PCDHA12: variants seen among roughly 807,000 people sequenced by gnomAD.
PCDHA12 encodes protocadherin alpha 12, also known as protocadherin alpha-12.
A neutral mutation model predicts 60.0 loss-of-function variants in PCDHA12; 44 were observed. That is an observed-to-expected ratio of 0.73 (90% CI 0.58 to 0.94). The LOEUF (loss-of-function observed/expected upper bound fraction) is 0.94, where lower values mean the gene tolerates loss of function less well. Among genes scored for constraint, PCDHA12 ranks in the 40% least tolerant of loss-of-function variants. PCDHA12 has a pLI of 0.00. For synonymous variants in PCDHA12, 569 were observed against 553.0 expected (o/e 1.03, Z -0.40); for missense variants, 1,276 against 1,239.7 (o/e 1.03, Z -0.44).
chr5:140,923,396 T>C (rs2081343835), intron 1 of PCDHA12, among the ~76,000 whole-genome samples: 1 of 152,058 alleles, frequency 6.6e-6, no homozygotes, highest in Non-Finnish European at 1.5e-5. Context: ...GGCATGGTGG[T>C]GTGTGCCTAT....
intron 3 of PCDHA12, among the ~76,000 whole-genome samples, chr5:140,997,680 G>A (rs954561672): frequency 6.6e-6 from 1 of 151,954 alleles, no homozygotes; most frequent in African/African-American, 2.4e-5. Context: ...GTGTGTGTGT[G>A]TGTGTGTGTG....
intron 1 of PCDHA12, among the ~76,000 whole-genome samples, chr5:140,900,492 G>A (rs2068087412): frequency 6.6e-6 from 1 of 152,174 alleles, no homozygotes; most frequent in African/African-American, 2.4e-5. Flanking sequence ...GGTCAGACTG[G>A]TCTCAAATTC....
intron 1 of PCDHA12, chr5:140,882,874 A>G (rs376046205): frequency 1.9e-6 from 3 of 1,614,108 alleles, no homozygotes; most frequent in Non-Finnish European, 2.5e-6. Context: ...CACTGGACAG[A>G]GAGGAAATTC....
intron 1 of PCDHA12, among the ~76,000 whole-genome samples, chr5:140,906,368 T>C (rs1554192499): frequency 1.3e-5 from 2 of 152,198 alleles, no homozygotes. Flanking sequence ...CCAACCCAAA[T>C]GCTATTACAT....
intron 1 of PCDHA12, among the ~76,000 whole-genome samples, chr5:140,964,683 G>T (rs2095848322): frequency 6.6e-6 from 1 of 151,914 alleles, no homozygotes; most frequent in South Asian, 2.1e-4. Flanking sequence ...CACAATTTGT[G>T]CACTTGAGAG....
At chr5:140,947,221 T>A (rs181563367) in intron 1 of PCDHA12, among the ~76,000 whole-genome samples, 1 of 151,730 alleles carries the variant, frequency 6.6e-6, no homozygotes, top group East Asian at 1.9e-4. Context: ...TCCTGTCATT[T>A]ATGACAGGAA....
chr5:140,969,110 C>T (rs1380719565), intron 1 of PCDHA12: 5 of 1,614,064 alleles, frequency 3.1e-6, no homozygotes, highest in Non-Finnish European at 3.4e-6. Flanking sequence ...CATTGAAGTT[C>T]GAGGGAATGG....
chr5:140,893,432 C>T (rs1280374649), intron 1 of PCDHA12, among the ~76,000 whole-genome samples: 5 of 151,946 alleles, frequency 3.3e-5, no homozygotes, highest in Non-Finnish European at 7.4e-5. Flanking sequence ...GCAGGAAGAT[C>T]GCTTGAAGCC....
chr5:140,881,680 T>G (rs1391876461), intron 1 of PCDHA12, among the ~76,000 whole-genome samples: 1 of 152,268 alleles, frequency 6.6e-6, no homozygotes. Flanking sequence ...GTGATTGTTA[T>G]GTTTCCTTTT....
At chr5:140,969,224 T>A (rs782172299) in intron 1 of PCDHA12, 1 of 1,614,100 alleles carries the variant, frequency 6.2e-7, no homozygotes, top group East Asian at 2.2e-5. Context: ...ACCAGGGCCT[T>A]CGGGAGCCCA....
chr5:141,004,369 C>A (rs1239142670), intron 3 of PCDHA12, among the ~76,000 whole-genome samples: 1 of 152,206 alleles, frequency 6.6e-6, no homozygotes, highest in Non-Finnish European at 1.5e-5. Flanking sequence ...ACACCTTGTT[C>A]TGCTCTGCGG....
Position 140,875,619 on chromosome 5 carries a change from T to G in PCDHA12, c.147T>G (p.Ala49=), listed in dbSNP as rs369772491. The change falls in exon 1 of 4, where the codon GCT becomes GCG. Residue 49 remains alanine, a synonymous_variant. Transcript: ENST00000398631. ...ACGGCACCTTCGTGGGCCGCATCGCTCAGGACCTGGGGCTGGAGCTGGCGG... is the reference window on the plus strand; with the variant it reads ...ACGGCACCTTCGTGGGCCGCATCGCGCAGGACCTGGGGCTGGAGCTGGCGG... ...AKHGTFVGRI[A]QDLGLELAEL... 7.7e-5 allele frequency: 125 copies of G among 1,613,602 alleles called. No individual in the cohort carries two copies. The highest frequency in any genetic ancestry group is 7.5e-4 in the African/African-American group (56 of 74,930).
Position 140,877,016 on chromosome 5 carries a change from G to T in PCDHA12, c.1544G>T (p.Gly515Val), listed in dbSNP as rs781790454. The T allele has an allele frequency of 4.7e-5, 76 of 1,612,480 alleles. No individual in the cohort carries two copies. The highest frequency in any genetic ancestry group is 4.0e-4 in the Middle Eastern group (2 of 5,052). ...SSYVSVHAES[G>V]KVYALQPLDH... The stretch of plus-strand genomic sequence containing the variant: ...TACGTGTCGGTGCACGCGGAGAGCG[G>T]CAAGGTGTACGCGCTGCAGCCGCTA... Residue 515 changes from glycine to valine, a missense_variant, in exon 1 of 4, where the codon GGC becomes GTC. By Grantham distance (109) the Gly-to-Val change is moderately radical. Coordinates refer to ENST00000398631, the MANE Select transcript of PCDHA12 (RefSeq NM_018903.4).
intron 1 of PCDHA12, among the ~76,000 whole-genome samples, chr5:140,905,958 G>C (rs1554192269): frequency 6.6e-6 from 1 of 152,184 alleles, no homozygotes; most frequent in African/African-American, 2.4e-5. Context: ...GATGTTCAAG[G>C]GGAGGAAGAT....
At chr5:140,886,084 G>A (rs1554182347) in intron 1 of PCDHA12, among the ~76,000 whole-genome samples, 1 of 152,140 alleles carries the variant, frequency 6.6e-6, no homozygotes, top group Non-Finnish European at 1.5e-5. Context: ...CCACAACCTG[G>A]ATATTGACAT....
intron 1 of PCDHA12, among the ~76,000 whole-genome samples, chr5:140,893,669 C>T (rs1204530639): frequency 6.6e-6 from 1 of 152,158 alleles, no homozygotes; most frequent in African/African-American, 2.4e-5. Flanking sequence ...AAAATTTCAG[C>T]ACTTTGGATA....
At chr5:140,966,638 T>A in intron 1 of PCDHA12, 2 of 1,090,114 alleles carry the variant, frequency 1.8e-6, no homozygotes, top group South Asian at 2.2e-5. Flanking sequence ...CCAGGCGCTT[T>A]CTAGAGCGTG....
rs1325390456 is a variant in PCDHA12, at chr5:140,928,073, A to G, written c.2367+50234A>G. 8.7e-6 allele frequency: 14 copies of G among 1,614,066 alleles called. No homozygotes were observed. The highest frequency in any genetic ancestry group is 8.0e-5 in the African/African-American group (6 of 74,934). On this transcript the variant is annotated intron_variant, in intron 1 of 3. Coordinates refer to ENST00000398631, the MANE Select transcript of PCDHA12 (RefSeq NM_018903.4). ...CAGCTGACGGCTTCCTTTGACAACTACTACAGCCTGCTGATTGATGGGCCC... is the reference window on the plus strand; with the variant it reads ...CAGCTGACGGCTTCCTTTGACAACTGCTACAGCCTGCTGATTGATGGGCCC...
intron 1 of PCDHA12, among the ~76,000 whole-genome samples, chr5:140,937,575 T>C (rs111558133): frequency 1.8e-3 from 268 of 149,140 alleles, no homozygotes; most frequent in African/African-American, 6.4e-3. Context: ...TGGGATCGCG[T>C]CACTGCACTC....
Sources: gnomAD v4.1 joint callset for allele counts (sites outside exome capture counted in the v4.1 genomes callset) on GRCh38, gnomAD v4.1.1 for gene constraint, MANE v1.5 for transcripts, NCBI Gene and HGNC (gene_info 2026-07-23, HGNC 2026-07-21) for gene names.